The following PSMD9 variants were observed in gnomAD, a reference collection of about 807,000 sequenced individuals.
PSMD9 encodes 26S proteasome non-ATPase regulatory subunit 9.
A neutral mutation model predicts 25.9 loss-of-function variants in PSMD9; 26 were observed. The observed-to-expected ratio is 1.00, with a 90% CI of 0.73 to 1.39. PSMD9 has a LOEUF of 1.39. PSMD9 is among the 40% of genes most tolerant of loss of function. The pLI, the probability that PSMD9 is intolerant of heterozygous loss-of-function variation, is 0.00. For missense variants in PSMD9, 303 were observed against 299.3 expected, an observed-to-expected ratio of 1.01 and a Z score of -0.09; for synonymous variants, 110 against 114.5, an observed-to-expected ratio of 0.96 and a Z score of 0.25.
intron 4 of PSMD9, chr12:121,915,606 C>T (rs539716776): frequency 1.4e-4 from 70 of 496,712 alleles, no homozygotes; most frequent in African/African-American, 1.3e-3. Context: ...TACTATGTAC[C>T]TTGGATGTAC....
rs151078705 is a variant in PSMD9 at position 121,905,947 on chromosome 12, C to T, written c.555+2840C>T. ...GGCTTCTTTGTAGTTAATCCCTCAC[C>T]GTCAACTTCCAGAATGTCATAGAGA... On this transcript the variant is annotated intron_variant, in intron 4 of 5. Coordinates refer to ENST00000541212, the MANE Select transcript of PSMD9 (RefSeq NM_002813.7). 1.1e-3 allele frequency among the ~76,000 whole-genome samples: 173 copies of T among 152,024 alleles called. 1 individual carries two copies. In the East Asian group the frequency reaches 0.03, roughly 26 times the overall value.
At chr12:121,908,359 G>C (rs1389577580) in intron 4 of PSMD9, among the ~76,000 whole-genome samples, 2 of 152,172 alleles carry the variant, frequency 1.3e-5, no homozygotes, top group East Asian at 3.9e-4. Context: ...TGTATTTTTA[G>C]TAGAGATGGA....
intron 3 of PSMD9, among the ~76,000 whole-genome samples, chr12:121,900,765 A>G (rs1174336474): frequency 1.3e-5 from 2 of 151,722 alleles, no homozygotes; most frequent in Non-Finnish European, 2.9e-5. Flanking sequence ...GTGGGCGATC[A>G]CCTTATGTCA....
chr12:121,904,125 T>C (rs569763377), intron 4 of PSMD9, among the ~76,000 whole-genome samples: 1 of 152,266 alleles, frequency 6.6e-6, no homozygotes, highest in Admixed American at 6.5e-5. Context: ...ATGCCCCTGC[T>C]AGTGGTCAGG....
Position 121,903,067 on chromosome 12 carries a change from C to A in PSMD9, c.515C>A (p.Ser172Ter). The change falls in exon 4 of 6, where the codon TCA becomes TAA. Residue 172 changes from serine (S) to a stop codon, truncating the protein, a stop_gained. Coordinates refer to ENST00000541212, the MANE Select transcript of PSMD9 (RefSeq NM_002813.7). LOFTEE classifies it high-confidence loss of function. ...FGSVNTQNFQ[S>*]LHNIGSVVQH... ...TCTGTGAACACCCAGAACTTCCAGTCACTGCATAACATTGGCAGTGTGGTG... is the reference window on the plus strand; with the variant it reads ...TCTGTGAACACCCAGAACTTCCAGTAACTGCATAACATTGGCAGTGTGGTG... The A allele has an allele frequency of 6.2e-7, 1 of 1,614,116 alleles. No individual in the cohort carries two copies. The highest frequency in any genetic ancestry group is 1.1e-5 in the South Asian group (1 of 91,046).
intron 4 of PSMD9, among the ~76,000 whole-genome samples, chr12:121,910,226 C>T (rs954895386): frequency 6.6e-6 from 1 of 151,236 alleles, no homozygotes. Flanking sequence ...GCTGGGACTA[C>T]AGGTGCCTGC....
In PSMD9 at chr12:121,894,738, G is replaced by T; in HGVS notation, c.139-1G>T. Reference sequence around the variant, plus strand: ...CTTTTAACCACGTTTCTTTCCTCCAGCAAAAAGGCATTGGGATGAACGAGC... The same window carrying T: ...CTTTTAACCACGTTTCTTTCCTCCATCAAAAAGGCATTGGGATGAACGAGC... On this transcript the variant is annotated splice_acceptor_variant, in intron 1 of 5. Transcript: ENST00000541212. LOFTEE classifies it high-confidence loss of function. The T allele has an allele frequency of 6.2e-7, 1 of 1,613,852 alleles. No homozygotes were observed. Among genetic ancestry groups the T allele is most frequent in the Non-Finnish European group, 8.5e-7 (1 of 1,179,900 alleles).
In PSMD9 at chr12:121,915,921, C is replaced by T. The variant is rs1879887062; in HGVS notation, c.621C>T (p.Arg207=). Residue 207 remains arginine, a synonymous_variant, in exon 5 of 6, where the codon CGC becomes CGT. Coordinates refer to ENST00000541212, the MANE Select transcript of PSMD9 (RefSeq NM_002813.7). ...EKHQLRLVPT[R]WAGKGLLGCN... ...ACCAGCTTAGACTTGTTCCAACACG[C>T]TGGGCAGGAAAAGGACTGCTGGGGT... 6.2e-7 allele frequency: 1 copy of T among 1,613,754 alleles called. No homozygotes were observed. Among genetic ancestry groups the T allele is most frequent in the Non-Finnish European group, 8.5e-7 (1 of 1,179,936 alleles).
chr12:121,906,119 C>T (rs565870433), intron 4 of PSMD9, among the ~76,000 whole-genome samples: 7 of 152,048 alleles, frequency 4.6e-5, no homozygotes, highest in Non-Finnish European at 1.0e-4. Context: ...TCTCAGCTTC[C>T]GTGTAGGCTT....
At chr12:121,899,518 C>A in intron 2 of PSMD9, 116 bp from the exon 3 acceptor site, 1 of 991,458 alleles carries the variant, frequency 1.0e-6, no homozygotes, top group Non-Finnish European at 1.5e-6. Context: ...TCCTTCTCAC[C>A]TCTAGCTCCA....
Position 121,888,813 on chromosome 12 carries a change from T to G in PSMD9, c.-44T>G. On this transcript the variant is annotated 5_prime_UTR_variant, in exon 1 of 6. Transcript: ENST00000541212. ...TTACGGTCGACTGGGGCGTCGTCCC[T>G]AGCCCGGGAGCCGGGTCTCTGGAGT... 6.3e-7 allele frequency: 1 copy of G among 1,580,894 alleles called. No individual in the cohort carries two copies. Among genetic ancestry groups the G allele is most frequent in the Non-Finnish European group, 8.6e-7 (1 of 1,164,692 alleles).
intron 4 of PSMD9, among the ~76,000 whole-genome samples, chr12:121,910,459 A>G (rs1431750534): frequency 1.3e-5 from 2 of 151,690 alleles, no homozygotes; most frequent in African/African-American, 2.4e-5. Context: ...AAATATACAT[A>G]ATATAAAAAT....
intron 4 of PSMD9, chr12:121,914,138 C>T (rs1237983198): frequency 6.6e-6 from 1 of 152,050 alleles, no homozygotes; most frequent in Non-Finnish European, 1.5e-5. Context: ...AGTGATCTTC[C>T]TGCCTCCCAA....
chr12:121,888,794 T>A lies in PSMD9; in HGVS notation c.-63T>A, dbSNP rs1231521130. On this transcript the variant is annotated 5_prime_UTR_variant, in exon 1 of 6. Transcript: ENST00000541212. ...CGCATGGGCGGAGCCGTAGTTACGG[T>A]CGACTGGGGCGTCGTCCCTAGCCCG... The A allele has an allele frequency of 4.3e-5, 66 of 1,548,542 alleles. No individual in the cohort carries two copies. The highest frequency in any genetic ancestry group is 4.6e-5 in the Non-Finnish European group (53 of 1,146,714).
chr12:121,900,978 C>T (rs1353520222), intron 3 of PSMD9, among the ~76,000 whole-genome samples: 1 of 137,418 alleles, frequency 7.3e-6, no homozygotes. Context: ...CAGAGTGAGA[C>T]TCTGTCTAAA....
In PSMD9 at chr12:121,917,376, C is replaced by T. The variant is rs1195234753; in HGVS notation, c.*1065C>T. On this transcript the variant is annotated 3_prime_UTR_variant, in exon 6 of 6. Transcript: ENST00000541212. ...TAAACCGCTGAGGTATGGATAGGAA[C>T]GAGTAGATCAGACCTCTTGAAAATG... 6.6e-5 allele frequency: 10 copies of T among 152,226 alleles called. No individual in the cohort carries two copies. Among genetic ancestry groups the T allele is most frequent in the Non-Finnish European group, 1.3e-4 (9 of 68,044 alleles). The allele number at this position is 152,226 out of a possible 1,614,324, so 9.4% of individuals were successfully genotyped here.
At chr12:121,890,135 T>G (rs1164425684) in intron 1 of PSMD9, among the ~76,000 whole-genome samples, 1 of 152,200 alleles carries the variant, frequency 6.6e-6, no homozygotes, top group Admixed American at 6.5e-5. Flanking sequence ...CAGGCCGGTG[T>G]TGGATTCCTG....
chr12:121,894,595 A>G (rs1414650336), intron 1 of PSMD9, 144 bp from the exon 2 acceptor site: 9 of 685,528 alleles, frequency 1.3e-5, no homozygotes, highest in Non-Finnish European at 2.3e-5. Context: ...GGGCATGAGT[A>G]GAGCCCCTGG....
chr12:121,911,593 T>C (rs1221485202), intron 4 of PSMD9, among the ~76,000 whole-genome samples: 6 of 152,174 alleles, frequency 3.9e-5, no homozygotes, highest in Admixed American at 6.6e-5. Flanking sequence ...AGAAATTTAA[T>C]TGCTGCATCA....
Sources: gnomAD v4.1 joint callset for allele counts (sites outside exome capture counted in the v4.1 genomes callset) on GRCh38, gnomAD v4.1.1 for gene constraint, MANE v1.5 for transcripts, NCBI Gene and HGNC (gene_info 2026-07-23, HGNC 2026-07-21) for gene names.